Variants in ATP10B observed in about 807,000 individuals in gnomAD.
ATP10B encodes ATPase phospholipid transporting 10B (putative), also known as phospholipid-transporting ATPase VB.
Under a neutral mutation model 141.2 loss-of-function variants are expected in ATP10B, and 122 were observed. The ratio of observed to expected loss-of-function variants is 0.86; its 90% CI spans 0.75 to 1.00. The LOEUF is 1.00. Among genes scored for constraint, ATP10B ranks in the 50% least tolerant of loss-of-function variants. The probability of loss-of-function intolerance (pLI) is 0.00; values close to 1 mark genes in which losing one functional copy is unlikely to be tolerated. For synonymous variants in ATP10B, 685 were observed against 692.0 expected (o/e 0.99, Z 0.16); for missense variants, 1,876 against 1,825.3 (o/e 1.03, Z -0.51).
At chr5:160,771,028 T>C (rs1769864562) in intron 2 of ATP10B, among the ~76,000 whole-genome samples, 1 of 152,172 alleles carries the variant, frequency 6.6e-6, no homozygotes, top group African/African-American at 2.4e-5. Context: ...ATACGTTTGC[T>C]GAAAGGGTTG....
chr5:160,826,066 C>A (rs1006201584), intron 1 of ATP10B, among the ~76,000 whole-genome samples: 8 of 152,142 alleles, frequency 5.3e-5, no homozygotes, highest in African/African-American at 1.9e-4. Context: ...TGTTGATGGG[C>A]ACCTAGGTTG....
intron 2 of ATP10B, among the ~76,000 whole-genome samples, chr5:160,722,529 T>A (rs1389121003): frequency 1.3e-5 from 2 of 152,132 alleles, no homozygotes; most frequent in Non-Finnish European, 2.9e-5. Context: ...ACAGCCTTTC[T>A]GCTGGCAGCA....
chr5:160,830,991 A>ACACT (rs58169610), intron 1 of ATP10B, among the ~76,000 whole-genome samples: 110,778 of 150,706 alleles, frequency 0.74, 42,602 homozygotes, highest in East Asian at 0.92. Context: ...ACACACACAC[A>ACACT]CACACACAGA....
rs181894024 is a variant in ATP10B, at chr5:160,632,286, C to T, written c.1463G>A (p.Arg488Lys). 1.2e-6 allele frequency: 2 copies of T among 1,614,200 alleles called. No individual in the cohort carries two copies. The highest frequency in any genetic ancestry group is 1.7e-6 in the Non-Finnish European group (2 of 1,180,024). Reference protein sequence around the residue: ...TQYQCLSFSARWAQDPATMRS... With the variant: ...TQYQCLSFSAKWAQDPATMRS... ...CATAGTTGCTGGATCCTGGGCCCATCTAGCCGAGAAGGACAGGCATTGGTA... is the reference window on the plus strand; with the variant it reads ...CATAGTTGCTGGATCCTGGGCCCATTTAGCCGAGAAGGACAGGCATTGGTA... The change falls in exon 13 of 26, where the codon AGA becomes AAA. Residue 488 changes from arginine (R) to lysine (K), a missense_variant. By Grantham distance (26) the Arg-to-Lys change is conservative (BLOSUM62 2). Transcript: ENST00000327245.
upstream of ATP10B, among the ~76,000 whole-genome samples, chr5:160,853,035 T>C (rs1753887234): frequency 6.6e-6 from 1 of 152,164 alleles, no homozygotes; most frequent in Non-Finnish European, 1.5e-5. Flanking sequence ...TGTATGTACC[T>C]ACAGATCTTA....
At chr5:160,836,293 G>A (rs537799780) in intron 1 of ATP10B, among the ~76,000 whole-genome samples, 1 of 152,136 alleles carries the variant, frequency 6.6e-6, no homozygotes, top group African/African-American at 2.4e-5. Context: ...ACAAAACTCT[G>A]TAAATTCATT....
chr5:160,653,921 AATATGTTGTATATACGTATATAC>A (rs1761255942), intron 7 of ATP10B, among the ~76,000 whole-genome samples: 2 of 63,878 alleles, frequency 3.1e-5, no homozygotes, highest in Non-Finnish European at 5.2e-5. Flanking sequence ...TACATATATA[AATATGTTGTATATACGTATATAC>A]ATATATAAAT....
rs1758308138 is a variant in ATP10B at position 160,620,905 on chromosome 5, T to C, written c.1858A>G (p.Lys620Glu). Residue 620 changes from lysine to glutamate, a missense_variant, in exon 15 of 26, where the codon AAG becomes GAG. Transcript: ENST00000327245. ...AACTTCTGGAAGAGCTGCTGAATCT[T>C]CTCCAGGGACGTCCCCAGAGCCTTG... ...SSKALGTSLE[K>E]IQQLFQKLKL... 1.9e-6 allele frequency: 3 copies of C among 1,614,176 alleles called. No homozygotes were observed. Among genetic ancestry groups the C allele is most frequent in the Non-Finnish European group, 2.5e-6 (3 of 1,180,028 alleles).
intron 2 of ATP10B, among the ~76,000 whole-genome samples, chr5:160,752,172 ACTTTT>A (rs1768199653): frequency 2.4e-5 from 3 of 126,072 alleles, no homozygotes. Flanking sequence ...AAGTCCCCCT[ACTTTT>A]TTTTTTTTTT....
chr5:160,914,809 G>A, the ATP10B span, among the ~76,000 whole-genome samples: 6 of 152,214 alleles, frequency 3.9e-5, 1 homozygote, highest in African/African-American at 1.4e-4. Flanking sequence ...GTTTGTGGAA[G>A]TTGCTCAGTG....
chr5:160,565,794 A>C lies in ATP10B; in HGVS notation c.4045T>G (p.Trp1349Gly). 1 of 1,614,026 alleles carries C rather than the reference A, an allele frequency of 6.2e-7. No homozygotes were observed. The highest frequency in any genetic ancestry group is 8.5e-7 in the Non-Finnish European group (1 of 1,179,962). ...PDKRNLEIQS[W>G]RSRQRPAPVP... ...GGGGCAGGCCTCTGTCTGCTTCTCC[A>C]ACTCTGGATTTCCAGGTTTCTTTTG... Residue 1349 changes from tryptophan to glycine, a missense_variant, in exon 26 of 26, where the codon TGG becomes GGG. Coordinates refer to ENST00000327245, the MANE Select transcript of ATP10B (RefSeq NM_025153.3).
intron 16 of ATP10B, among the ~76,000 whole-genome samples, chr5:160,617,356 T>C (rs1758082959): frequency 1.3e-5 from 2 of 152,178 alleles, no homozygotes; most frequent in Admixed American, 1.3e-4. Context: ...TAGAGAGTGG[T>C]AGGGACTGTG....
At chr5:160,852,909 A>AT (rs1753880011), upstream of ATP10B, among the ~76,000 whole-genome samples, 1 of 151,692 alleles carries the variant, frequency 6.6e-6, no homozygotes. Context: ...AGGGTAGTAA[A>AT]AAAAAGAAAT....
At chr5:160,612,111 T>C (rs1026805057) in intron 18 of ATP10B, 1 of 152,260 alleles carries the variant, frequency 6.6e-6, no homozygotes, top group East Asian at 1.9e-4. Flanking sequence ...GTGCCATTTT[T>C]AGATCTTTGC....
At chr5:160,771,460 T>A (rs1182633434) in intron 2 of ATP10B, among the ~76,000 whole-genome samples, 1 of 152,174 alleles carries the variant, frequency 6.6e-6, no homozygotes, top group East Asian at 1.9e-4. Context: ...CTTCATGAGC[T>A]GCTAATAAAA....
chr5:160,866,552 A>G, the ATP10B span, among the ~76,000 whole-genome samples: 1 of 152,088 alleles, frequency 6.6e-6, no homozygotes, highest in Non-Finnish European at 1.5e-5. Flanking sequence ...GCATGCCTGC[A>G]ATCCCAGCTA....
At chr5:160,649,960 T>G (rs989101094) in intron 7 of ATP10B, among the ~76,000 whole-genome samples, 10 of 151,706 alleles carry the variant, frequency 6.6e-5, no homozygotes, top group Non-Finnish European at 2.9e-5. Context: ...AATACAAAAA[T>G]TAGCCAGGCA....
intron 25 of ATP10B, among the ~76,000 whole-genome samples, chr5:160,567,096 A>T (rs1255580426): frequency 6.6e-6 from 1 of 152,074 alleles, no homozygotes; most frequent in East Asian, 1.9e-4. Flanking sequence ...TTGCTTCAAA[A>T]CTGGAATTTC....
At chr5:160,748,882 A>G (rs1350241101) in intron 2 of ATP10B, among the ~76,000 whole-genome samples, 1 of 152,204 alleles carries the variant, frequency 6.6e-6, no homozygotes, top group Non-Finnish European at 1.5e-5. Context: ...AAAATAATGT[A>G]GCTACTGCTT....
Sources: gnomAD v4.1 joint callset for allele counts (sites outside exome capture counted in the v4.1 genomes callset) on GRCh38, gnomAD v4.1.1 for gene constraint, MANE v1.5 for transcripts, NCBI Gene and HGNC (gene_info 2026-07-23, HGNC 2026-07-21) for gene names.